The following SBK3 variants were observed in gnomAD, a reference collection of about 807,000 sequenced individuals.
SBK3 encodes the protein SH3 domain binding kinase family member 3, also known as uncharacterized serine/threonine-protein kinase SBK3.
In SBK3, 16 loss-of-function variants were observed where a neutral mutation model predicts 12.7. That is an observed-to-expected ratio of 1.26 (90% CI 0.86 to 1.92). The LOEUF is 1.92. Ranked by LOEUF, SBK3 falls within the 40% of genes most tolerant of loss-of-function variation. The pLI is 0.00. For synonymous variants in SBK3, 217 were observed against 213.6 expected (o/e 1.02, Z -0.14); for missense variants, 462 against 481.8 (o/e 0.96, Z 0.38).
At position 55,541,299 on chromosome 19, in the gene SBK3, A is replaced by G. The variant is rs55997334; in HGVS notation, c.627T>C (p.Cys209=). ...VPLPTAPPEL[C]LLLPPDTLPL... is the part of the protein sequence containing the mutation. ...GCAGGGTGTCGGGCGGTAGCAGGAG[A>G]CAGAGCTCAGGCGGTGCCGTGGGCA... The change falls in exon 4 of 4, where the codon TGT becomes TGC. Residue 209 remains cysteine, a synonymous_variant. Transcript: ENST00000612221. This position sits in a 1 kb window ranked among gnomAD's most constrained non-coding sequence, Gnocchi z 5.3. 16,789 of 1,535,642 alleles carry G rather than the reference A, an allele frequency of 0.011. 117 individuals are homozygous for G. Among genetic ancestry groups the G allele is most frequent in the Non-Finnish European group, 0.013 (14,625 of 1,146,732 alleles).
Position 55,540,841 on chromosome 19 carries a change from C to T in SBK3, c.*5G>A, listed in dbSNP as rs1411742215. The T allele has an allele frequency of 2.6e-6, 4 of 1,535,886 alleles. No homozygotes were observed. Among genetic ancestry groups the T allele is most frequent in the Admixed American group, 3.9e-5 (2 of 51,010 alleles). On this transcript the variant is annotated 3_prime_UTR_variant, in exon 4 of 4. Transcript: ENST00000612221. ...AGGCTCTGGCCACCTGTCTCTGTCA[C>T]CTGGTCAGGGAGCTCCCCCATCTGT...
chr19:55,542,259 C>A (rs1162407989), intron 3 of SBK3, among the ~76,000 whole-genome samples: 1 of 152,184 alleles, frequency 6.6e-6, no homozygotes, highest in Non-Finnish European at 1.5e-5. Context: ...AGTCAGCAAT[C>A]CAATAAGTTA....
In SBK3 at chr19:55,540,837, G is replaced by C; in HGVS notation, c.*9C>G. 6.5e-7 allele frequency: 1 copy of C among 1,535,672 alleles called. No homozygotes were observed. Among genetic ancestry groups the C allele is most frequent in the Non-Finnish European group, 8.7e-7 (1 of 1,146,528 alleles). ...GCCCAGGCTCTGGCCACCTGTCTCT[G>C]TCACCTGGTCAGGGAGCTCCCCCAT... On this transcript the variant is annotated 3_prime_UTR_variant, in exon 4 of 4. Coordinates refer to ENST00000612221, the MANE Select transcript of SBK3 (RefSeq NM_001199824.2).
rs1988561139 is a variant in SBK3 at position 55,541,503 on chromosome 19, C to T, written c.423G>A (p.Lys141=). 6 of 1,522,054 alleles carry T rather than the reference C, an allele frequency of 3.9e-6. No homozygotes were observed. Among genetic ancestry groups the T allele is most frequent in the Non-Finnish European group, 4.4e-6 (5 of 1,137,306 alleles). 94.3% of individuals were successfully genotyped at this position (1,522,054 alleles called of 1,614,324 possible). The part of the protein sequence containing the change: ...QERGLPELLV[K]RVVAQLAGAL... ...CTCCTGCCAACTGGGCCACCACCCG[C>T]TTCACCAGCAGTTCTGGGAGGCCCT... is the stretch of plus-strand genomic sequence containing the variant. Residue 141 remains lysine (K), a synonymous_variant, in exon 4 of 4, where the codon AAG becomes AAA. Coordinates refer to ENST00000612221, the MANE Select transcript of SBK3 (RefSeq NM_001199824.2). The surrounding 1 kb of genome is among the most constrained non-coding windows in gnomAD (Gnocchi z 5.3).
At position 55,545,100 on chromosome 19, in the gene SBK3, C is replaced by T. The variant is rs1037479695; in HGVS notation, c.46-151G>A. On this transcript the variant is annotated intron_variant, in intron 1 of 3. Transcript: ENST00000612221. The surrounding 1 kb of genome is among the most constrained non-coding windows in gnomAD (Gnocchi z 4.4). ...GAGGAGGATGAGTCACAGTGACTCA[C>T]CCGGACTCGGGCCACCTGTTTTTGT... 3.6e-5 allele frequency: 23 copies of T among 632,014 alleles called. No homozygotes were observed. The highest frequency in any genetic ancestry group is 5.9e-5 in the Non-Finnish European group (22 of 374,592). The allele number at this position is 632,014 out of a possible 1,614,324, so 39.2% of individuals were successfully genotyped here. A position where few individuals can be genotyped will look rare whatever the true frequency, so the allele number is the denominator to read the frequency against.
chr19:55,542,648 C>G (rs968717747), intron 3 of SBK3, among the ~76,000 whole-genome samples: 2 of 151,352 alleles, frequency 1.3e-5, no homozygotes, highest in African/African-American at 2.4e-5. Context: ...TCCACCCACC[C>G]ATCCATCCAC....
At chr19:55,544,368 G>A in intron 2 of SBK3, 66 bp from the exon 3 acceptor site, 2 of 1,284,742 alleles carry the variant, frequency 1.6e-6, no homozygotes, top group Non-Finnish European at 2.1e-6. Context: ...CCTGAGGGAA[G>A]CCGTGTAAAC....
At position 55,541,990 on chromosome 19, in the gene SBK3, A is replaced by G. The variant is rs10404541; in HGVS notation, c.400-464T>C. 7.7e-3 allele frequency among the ~76,000 whole-genome samples: 1,177 copies of G among 152,298 alleles called. 12 individuals are homozygous for G. The highest frequency in any genetic ancestry group is 0.027 in the African/African-American group (1,134 of 41,542). ...CTCAGGCCCACTGTGAACATTTCTTATATATCTTTTGTAAACTGACCATCC... is the reference window on the plus strand; with the variant it reads ...CTCAGGCCCACTGTGAACATTTCTTGTATATCTTTTGTAAACTGACCATCC... On this transcript the variant is annotated intron_variant, in intron 3 of 3. Coordinates refer to ENST00000612221, the MANE Select transcript of SBK3 (RefSeq NM_001199824.2). The surrounding 1 kb of genome is among the most constrained non-coding windows in gnomAD (Gnocchi z 5.3).
intron 3 of SBK3, among the ~76,000 whole-genome samples, chr19:55,542,707 TCCAC>T (rs949644735): frequency 7.3e-6 from 1 of 137,922 alleles, no homozygotes; most frequent in Non-Finnish European, 1.5e-5. Flanking sequence ...AATCCTTTCA[TCCAC>T]CCACCCACCT....
rs1988565804 is a variant in SBK3 at position 55,541,865 on chromosome 19, C to A, written c.400-339G>T. Among the ~76,000 whole-genome samples, 1 of 152,198 alleles carries A rather than the reference C, an allele frequency of 6.6e-6. No individual in the cohort carries two copies. The highest frequency in any genetic ancestry group is 2.4e-5 in the African/African-American group (1 of 41,452). On this transcript the variant is annotated intron_variant, in intron 3 of 3. Coordinates refer to ENST00000612221, the MANE Select transcript of SBK3 (RefSeq NM_001199824.2). The surrounding 1 kb of genome is among the most constrained non-coding windows in gnomAD (Gnocchi z 5.3). ...GCAGCCATATCTGCACTCCTGTAGA[C>A]CAACTCCCAGCTGGTCTCCCAGTTT...
chr19:55,541,159 G>A lies in SBK3; in HGVS notation c.767C>T (p.Ala256Val). Reference sequence around the variant, plus strand: ...CTGAGGCTTGGTGGTCACCCAGCCAGCGAAGGCCTCGAACTCAGGGTTGGG... The same window carrying A: ...CTGAGGCTTGGTGGTCACCCAGCCAACGAAGGCCTCGAACTCAGGGTTGGG... ...LAPNPEFEAF[A>V]GWVTTKPQPP... The change falls in exon 4 of 4, where the codon GCT becomes GTT. Residue 256 changes from alanine to valine, a missense_variant. Coordinates refer to ENST00000612221, the MANE Select transcript of SBK3 (RefSeq NM_001199824.2). The surrounding 1 kb of genome is among the most constrained non-coding windows in gnomAD (Gnocchi z 5.3). The A allele has an allele frequency of 6.5e-7, 1 of 1,535,900 alleles. No individual in the cohort carries two copies.
chr19:55,544,544 TAAG>T (rs1369778187), intron 2 of SBK3, among the ~76,000 whole-genome samples: 2 of 152,154 alleles, frequency 1.3e-5, no homozygotes, highest in Admixed American at 1.3e-4. Context: ...TGGCATCAAG[TAAG>T]AGACACGGTG....
chr19:55,544,756 T>C (rs902648095), intron 2 of SBK3, 43 bp downstream of exon 2: 1 of 1,448,412 alleles, frequency 6.9e-7, no homozygotes, highest in Non-Finnish European at 9.1e-7. Flanking sequence ...GAATGCTTAT[T>C]GTGGGGCAGT....
rs1445629892 is a variant in SBK3, at chr19:55,545,090, C to T, written c.46-141G>A. On this transcript the variant is annotated intron_variant, in intron 1 of 3. Transcript: ENST00000612221. This position sits in a 1 kb window ranked among gnomAD's most constrained non-coding sequence, Gnocchi z 4.4. Reference sequence around the variant, plus strand: ...TGTCCCCAGAGAGGAGGATGAGTCACAGTGACTCACCCGGACTCGGGCCAC... The same window carrying T: ...TGTCCCCAGAGAGGAGGATGAGTCATAGTGACTCACCCGGACTCGGGCCAC... 20 of 661,884 alleles carry T rather than the reference C, an allele frequency of 3.0e-5. No individual in the cohort carries two copies. Among genetic ancestry groups the T allele is most frequent in the Non-Finnish European group, 5.0e-5 (20 of 399,398 alleles). The allele number at this position is 661,884 out of a possible 1,614,324, so 41.0% of individuals were successfully genotyped here.
chr19:55,544,025 G>A, intron 3 of SBK3, 75 bp downstream of exon 3: 1 of 1,288,694 alleles, frequency 7.8e-7, no homozygotes, highest in Non-Finnish European at 1.0e-6. Flanking sequence ...GGTCAGAGTT[G>A]GAGACAGAGA....
At position 55,540,979 on chromosome 19, in the gene SBK3, C is replaced by T. The variant is rs1254543233; in HGVS notation, c.947G>A (p.Gly316Glu). ...CACGGCGCTCCCCAAAACCCCAGGTCCCTCTCTGTTCCCTTGCAACCCCCA... is the reference window on the plus strand; with the variant it reads ...CACGGCGCTCCCCAAAACCCCAGGTTCCTCTCTGTTCCCTTGCAACCCCCA... ...DDWGLQGNRE[G>E]PGVLGSAVSY... The change falls in exon 4 of 4, where the codon GGA (glycine) becomes GAA (glutamate). Residue 316 changes from glycine to glutamate, a missense_variant. Gly to Glu is a moderately conservative substitution (Grantham distance 98). Coordinates refer to ENST00000612221, the MANE Select transcript of SBK3 (RefSeq NM_001199824.2). The T allele has an allele frequency of 6.5e-7, 1 of 1,535,914 alleles. No individual in the cohort carries two copies. Among genetic ancestry groups the T allele is most frequent in the South Asian group, 1.2e-5 (1 of 84,018 alleles).
chr19:55,543,980 C>T, intron 3 of SBK3, 120 bp downstream of exon 3: 1 of 780,436 alleles, frequency 1.3e-6, no homozygotes. Context: ...TGTGGGGGCT[C>T]AGGGTGGAGA....
At position 55,541,340 on chromosome 19, in the gene SBK3, C is replaced by T. The variant is rs756685916; in HGVS notation, c.586G>A (p.Ala196Thr). The T allele has an allele frequency of 5.2e-6, 8 of 1,534,780 alleles. No homozygotes were observed. Among genetic ancestry groups the T allele is most frequent in the South Asian group, 2.4e-5 (2 of 83,974 alleles). The change falls in exon 4 of 4, where the codon GCC (alanine) becomes ACC (threonine). Residue 196 changes from alanine (A) to threonine (T), a missense_variant. Ala to Thr is a moderately conservative substitution (Grantham distance 58). Coordinates refer to ENST00000612221, the MANE Select transcript of SBK3 (RefSeq NM_001199824.2). The surrounding 1 kb of genome is among the most constrained non-coding windows in gnomAD (Gnocchi z 5.3). ...LTRPEGSPTP[A>T]PPVPLPTAPP... is the part of the protein sequence containing the mutation. The stretch of plus-strand genomic sequence containing the variant: ...GCCGTGGGCAGAGGCACTGGTGGGG[C>T]GGGGGTCGGGCTGCCCTCTGGCCGG...
In SBK3 at chr19:55,541,212, G is replaced by T. The variant is rs543117518; in HGVS notation, c.714C>A (p.Ala238=). 1 of 1,536,098 alleles carries T rather than the reference G, an allele frequency of 6.5e-7. No homozygotes were observed. The highest frequency in any genetic ancestry group is 8.7e-7 in the Non-Finnish European group (1 of 1,146,900). Residue 238 remains alanine (A), a synonymous_variant, in exon 4 of 4, where the codon GCC becomes GCA. Coordinates refer to ENST00000612221, the MANE Select transcript of SBK3 (RefSeq NM_001199824.2). This position sits in a 1 kb window ranked among gnomAD's most constrained non-coding sequence, Gnocchi z 5.3. ...LGVLLFCAAT[A]CFPWDVALAP... ...CCAGTGCCACGTCCCAAGGGAAACA[G>T]GCAGTGGCAGCACAGAAGAGAAGCA...
Sources: gnomAD v4.1 joint callset for allele counts (sites outside exome capture counted in the v4.1 genomes callset) on GRCh38, gnomAD v4.1.1 for gene constraint, Gnocchi (gnomAD v3.1) non-coding constraint, MANE v1.5 for transcripts, NCBI Gene and HGNC (gene_info 2026-07-23, HGNC 2026-07-21) for gene names.